GARRE1: variants seen among roughly 807,000 people sequenced by gnomAD.
GARRE1 encodes the protein granule associated Rac and RHOG effector 1, also known as granule associated Rac and RHOG effector protein 1.
In GARRE1, 49 loss-of-function variants were observed where a neutral mutation model predicts 103.2. The observed-to-expected ratio is 0.47, with a 90% CI of 0.38 to 0.60. The LOEUF (loss-of-function observed/expected upper bound fraction) is 0.60, where lower values mean the gene tolerates loss of function less well. Ranked by LOEUF, GARRE1 falls within the 20% of genes least tolerant of loss-of-function variation. GARRE1 has a pLI of 0.00. For synonymous variants in GARRE1, 505 were observed against 532.8 expected (o/e 0.95, Z 0.72); for missense variants, 1,199 against 1,370.5 (o/e 0.87, Z 1.98).
intron 9 of GARRE1, among the ~76,000 whole-genome samples, chr19:34,341,137 C>G (rs1001004904): frequency 6.6e-6 from 1 of 152,142 alleles, no homozygotes; most frequent in African/African-American, 2.4e-5. Flanking sequence ...AAGTTGCATC[C>G]CCACATCTAG....
intron 10 of GARRE1, among the ~76,000 whole-genome samples, chr19:34,344,572 C>T: frequency 7.1e-6 from 1 of 140,342 alleles, no homozygotes. Flanking sequence ...GCCTGGGCGA[C>T]AGAGCGAGAC....
chr19:34,342,207 A>T lies in GARRE1; in HGVS notation c.2273A>T (p.His758Leu). Residue 758 changes from histidine (H) to leucine (L), a missense_variant, in exon 10 of 14, where the codon CAT (histidine) becomes CTT (leucine). By Grantham distance (99) the His-to-Leu change is moderately conservative (BLOSUM62 -3). Coordinates refer to ENST00000299505, the MANE Select transcript of GARRE1 (RefSeq NM_014686.5). ...CCTCGGGCACCTGGGAAATGGGTAC[A>T]TGGCTCATCCCAGCAGCCAGCGCAG... ...PQPRAPGKWV[H>L]GSSQQPAQAV... The T allele has an allele frequency of 6.2e-7, 1 of 1,614,188 alleles. No homozygotes were observed. Among genetic ancestry groups the T allele is most frequent in the Non-Finnish European group, 8.5e-7 (1 of 1,180,028 alleles).
At position 34,354,895 on chromosome 19, in the gene GARRE1, C is replaced by T. The variant is rs1229532214; in HGVS notation, c.*1940C>T. On this transcript the variant is annotated 3_prime_UTR_variant, in exon 14 of 14. Coordinates refer to ENST00000299505, the MANE Select transcript of GARRE1 (RefSeq NM_014686.5). ...TTGCCGTGGTTCTGAGCATTCACCT[C>T]ACCATGTTTACAAAGAACTGTTTTG... is the stretch of plus-strand genomic sequence containing the variant. 2.0e-5 allele frequency: 3 copies of T among 152,538 alleles called. No homozygotes were observed. The highest frequency in any genetic ancestry group is 2.9e-5 in the Non-Finnish European group (2 of 68,024). The allele number at this position is 152,538 out of a possible 1,614,324, so 9.4% of individuals were successfully genotyped here.
chr19:34,282,965 G>A (rs2073864059), intron 1 of GARRE1, among the ~76,000 whole-genome samples: 2 of 152,192 alleles, frequency 1.3e-5, no homozygotes, highest in Middle Eastern at 3.2e-3. Flanking sequence ...ATAGACTGTG[G>A]CCCTCAGACC....
chr19:34,293,692 A>G (rs1480295943), intron 1 of GARRE1, among the ~76,000 whole-genome samples: 1 of 139,910 alleles, frequency 7.1e-6, no homozygotes, highest in African/African-American at 2.6e-5. Context: ...ACTTTGCCCA[A>G]CCTCTTGAAG....
intron 1 of GARRE1, among the ~76,000 whole-genome samples, chr19:34,255,763 G>A (rs928441315): frequency 1.3e-5 from 2 of 151,354 alleles, no homozygotes; most frequent in Admixed American, 6.6e-5. Flanking sequence ...GCCTTCCAAA[G>A]TGTTGGGATT....
At chr19:34,284,909 T>G (rs1217866105) in intron 1 of GARRE1, among the ~76,000 whole-genome samples, 1 of 152,132 alleles carries the variant, frequency 6.6e-6, no homozygotes, top group South Asian at 2.1e-4. Flanking sequence ...TAATAATAAT[T>G]AGCTGGGCAC....
chr19:34,303,603 C>T (rs1490230880), intron 2 of GARRE1, among the ~76,000 whole-genome samples: 1 of 152,170 alleles, frequency 6.6e-6, no homozygotes, highest in African/African-American at 2.4e-5. Flanking sequence ...TGTGGTCTCT[C>T]TCACATATTC....
At chr19:34,299,135 G>C (rs1281145477) in intron 1 of GARRE1, among the ~76,000 whole-genome samples, 1 of 152,188 alleles carries the variant, frequency 6.6e-6, no homozygotes, top group Non-Finnish European at 1.5e-5. Context: ...GACCTTTGCC[G>C]TGGTGGTCCT....
intron 1 of GARRE1, among the ~76,000 whole-genome samples, chr19:34,257,953 G>T (rs1291068876): frequency 1.4e-5 from 2 of 146,694 alleles, no homozygotes; most frequent in South Asian, 4.3e-4. Context: ...GCAGTGGCTC[G>T]GTCTCAGCTC....
intron 1 of GARRE1, among the ~76,000 whole-genome samples, chr19:34,274,134 G>A (rs2073803344): frequency 6.6e-6 from 1 of 152,104 alleles, no homozygotes; most frequent in Non-Finnish European, 1.5e-5. Flanking sequence ...GGCCGGGCAT[G>A]GTGGCTCATA....
intron 1 of GARRE1, among the ~76,000 whole-genome samples, chr19:34,271,386 C>A (rs760871358): frequency 6.6e-6 from 1 of 151,636 alleles, no homozygotes; most frequent in Non-Finnish European, 1.5e-5. Context: ...GTAGCTGGGA[C>A]TACAGGTGTG....
At position 34,330,365 on chromosome 19, in the gene GARRE1, G is replaced by A. The variant is rs1325261204; in HGVS notation, c.1263+18G>A. The A allele has an allele frequency of 1.2e-6, 2 of 1,613,288 alleles. No individual in the cohort carries two copies. Among genetic ancestry groups the A allele is most frequent in the Admixed American group, 1.7e-5 (1 of 59,994 alleles). On this transcript the variant is annotated intron_variant, in intron 7 of 13. Transcript: ENST00000299505. ...CTGGACTGGTGAGTGAGCGTGGGTGGTGGATGATAGGTAGAATACCAAGAT... is the reference window on the plus strand; with the variant it reads ...CTGGACTGGTGAGTGAGCGTGGGTGATGGATGATAGGTAGAATACCAAGAT...
intron 1 of GARRE1, among the ~76,000 whole-genome samples, chr19:34,287,426 G>A (rs753391751): frequency 6.6e-6 from 1 of 152,112 alleles, no homozygotes; most frequent in African/African-American, 2.4e-5. Flanking sequence ...CAAAGTGCTG[G>A]GACTGCAGAT....
intron 7 of GARRE1, among the ~76,000 whole-genome samples, chr19:34,331,627 C>G (rs1373619609): frequency 6.6e-6 from 1 of 152,146 alleles, no homozygotes; most frequent in Non-Finnish European, 1.5e-5. Context: ...CACCATTTAG[C>G]TTTTTGTTTG....
Position 34,300,327 on chromosome 19 carries a change from A to G in GARRE1, c.-147A>G. On this transcript the variant is annotated 5_prime_UTR_variant, in exon 2 of 14. Transcript: ENST00000299505. ...CTGTTGTCTCTCACCTCTACATTGG[A>G]TCACATGGTCACCTGCCTCATGGAA... 1 of 801,960 alleles carries G rather than the reference A, an allele frequency of 1.2e-6. No individual in the cohort carries two copies. Among genetic ancestry groups the G allele is most frequent in the Non-Finnish European group, 1.9e-6 (1 of 515,150 alleles). The allele number at this position is 801,960 out of a possible 1,614,324, so 49.7% of individuals were successfully genotyped here.
chr19:34,306,075 A>G (rs1320554600), intron 2 of GARRE1, among the ~76,000 whole-genome samples: 1 of 152,232 alleles, frequency 6.6e-6, no homozygotes, highest in African/African-American at 2.4e-5. Flanking sequence ...GGATTTAGCC[A>G]TAGGCCAATA....
chr19:34,268,420 T>A (rs558404587), intron 1 of GARRE1, among the ~76,000 whole-genome samples: 93 of 152,212 alleles, frequency 6.1e-4, no homozygotes, highest in Non-Finnish European at 1.1e-3. Flanking sequence ...CAAAGATTTT[T>A]TTTTTGGCTC....
chr19:34,327,265 G>A (rs571966702), intron 3 of GARRE1, among the ~76,000 whole-genome samples, 156 bp from the exon 4 acceptor site: 2 of 152,284 alleles, frequency 1.3e-5, no homozygotes, highest in African/African-American at 4.8e-5. Flanking sequence ...TGCTCACTTT[G>A]CAATACAAAC....
Sources: gnomAD v4.1 joint callset for allele counts (sites outside exome capture counted in the v4.1 genomes callset) on GRCh38, gnomAD v4.1.1 for gene constraint, MANE v1.5 for transcripts, NCBI Gene and HGNC (gene_info 2026-07-23, HGNC 2026-07-21) for gene names.